The following MED24 variants were observed in gnomAD, a reference collection of about 807,000 sequenced individuals.
The protein encoded by MED24 is mediator of RNA polymerase II transcription subunit 24.
In MED24, 74 loss-of-function variants were observed where a neutral mutation model predicts 118.8. The ratio of observed to expected loss-of-function variants is 0.62; its 90% CI spans 0.52 to 0.76. The LOEUF is 0.76. MED24 is among the 30% of genes least tolerant of loss of function. MED24 has a pLI of 0.00. For synonymous variants in MED24, 521 were observed against 523.9 expected, an observed-to-expected ratio of 0.99 and a Z score of 0.08; for missense variants, 1,041 against 1,278.9, an observed-to-expected ratio of 0.81 and a Z score of 2.84.
chr17:40,034,811 C>G, intron 6 of MED24: 1 of 826,264 alleles, frequency 1.2e-6, no homozygotes, highest in African/African-American at 1.7e-5. Context: ...AGCAGCTATG[C>G]TTGATGAGGG....
chr17:40,029,644 A>G, intron 13 of MED24, 104 bp downstream of exon 13: 1 of 1,073,352 alleles, frequency 9.3e-7, no homozygotes, highest in Non-Finnish European at 1.4e-6. Flanking sequence ...TATAAAAGCT[A>G]AAGGAGACAG....
At chr17:40,028,756 T>G (rs1347144702) in intron 14 of MED24, 70 bp downstream of exon 14, 1 of 1,584,040 alleles carries the variant, frequency 6.3e-7, no homozygotes, top group East Asian at 2.2e-5. Context: ...ACCTGACTCC[T>G]ACCCTGCTAC....
At chr17:40,022,373 G>T in intron 22 of MED24, 21 bp downstream of exon 22, 1 of 1,594,016 alleles carries the variant, frequency 6.3e-7, no homozygotes, top group Non-Finnish European at 8.6e-7. Context: ...TGAAGCCGGC[G>T]AGGGCAGCTG....
chr17:40,036,525 C>T (rs1348272378), intron 3 of MED24, among the ~76,000 whole-genome samples: 2 of 151,890 alleles, frequency 1.3e-5, no homozygotes, highest in Non-Finnish European at 2.9e-5. Flanking sequence ...CCCGTCTCTA[C>T]TAAAAATTAA....
rs1598328430 is a variant in MED24 at position 40,020,586 on chromosome 17, G to A, written c.2624-233C>T. 41 of 852,220 alleles carry A rather than the reference G, an allele frequency of 4.8e-5. No individual in the cohort carries two copies. In the South Asian group the frequency reaches 5.5e-4, roughly 11 times the overall value. The allele number at this position is 852,220 out of a possible 1,614,324, so 52.8% of individuals were successfully genotyped here. A position where few individuals can be genotyped will look rare whatever the true frequency, so the allele number is the denominator to read the frequency against. ...GAGGATCGCTTGAGTCCAGGAGTTT[G>A]AGACCAGCCTTGGCAACTAGCGAGA... On this transcript the variant is annotated intron_variant, in intron 23 of 25. Transcript: ENST00000394128.
At position 40,022,658 on chromosome 17, in the gene MED24, T is replaced by C; in HGVS notation, c.2419A>G (p.Thr807Ala). 1.9e-6 allele frequency: 3 copies of C among 1,613,402 alleles called. No homozygotes were observed. The highest frequency in any genetic ancestry group is 2.5e-6 in the Non-Finnish European group (3 of 1,179,954). ...KWHSLMDPPG[T>A]ALAKLAVWCA... The stretch of plus-strand genomic sequence containing the variant: ...AGAGAATCTTACTTGGCAAGAGCAG[T>C]GCCCGGGGGGTCCATGAGGCTGTGC... Residue 807 changes from threonine to alanine, a missense_variant, in exon 21 of 26, where the codon ACT becomes GCT. Thr to Ala is a moderately conservative substitution (Grantham distance 58, BLOSUM62 0). Around this residue, in one of 3 missense-constraint regions of MED24, gnomAD observed 587 missense variants for 694.4 expected, o/e 0.85. Transcript: ENST00000394128.
chr17:40,032,968 C>T (rs1983553551), intron 8 of MED24, 88 bp downstream of exon 8: 1 of 1,555,520 alleles, frequency 6.4e-7, no homozygotes, highest in South Asian at 1.2e-5. Context: ...AACCCCACTT[C>T]TCCCAGGGAG....
rs59767650 is a variant in MED24, at chr17:40,019,175, AACACAC to A, written c.*348_*353del. 2.4e-3 allele frequency: 352 copies of A among 148,572 alleles called. 4 individuals carry two copies. The East Asian group carries it at 0.047, about 20-fold the overall frequency. The allele number at this position is 148,572 out of a possible 1,614,324, so 9.2% of individuals were successfully genotyped here. A position where few individuals can be genotyped will look rare whatever the true frequency, so the allele number is the denominator to read the frequency against. On this transcript the variant is annotated 3_prime_UTR_variant, in exon 26 of 26. Coordinates refer to ENST00000394128, the MANE Select transcript of MED24 (RefSeq NM_014815.4). ...CCTCACATATTACAAAATACACACA[AACACAC>A]ACACACACACACACACACACACATA...
intron 24 of MED24, 62 bp from the exon 25 acceptor site, chr17:40,019,995 C>G: frequency 6.5e-7 from 1 of 1,527,942 alleles, no homozygotes. Flanking sequence ...AGGTCACACT[C>G]TGGGAGAAGG....
Position 40,033,699 on chromosome 17 carries a change from C to A in MED24, c.560-243G>T, listed in dbSNP as rs1983640589. 1.6e-6 allele frequency: 1 copy of A among 641,640 alleles called. No homozygotes were observed. Among genetic ancestry groups the A allele is most frequent in the African/African-American group, 1.8e-5 (1 of 55,778 alleles). 39.7% of individuals were successfully genotyped at this position (641,640 alleles called of 1,614,324 possible). On this transcript the variant is annotated intron_variant, in intron 6 of 25. Coordinates refer to ENST00000394128, the MANE Select transcript of MED24 (RefSeq NM_014815.4). The surrounding 1 kb of genome is among the most constrained non-coding windows in gnomAD (Gnocchi z 5.2). Reference sequence around the variant, plus strand: ...AAAGCCTGATTTCCAGGGGACACAGCCAGCTGACTTCAGAAGGTATGGCAT... The same window carrying A: ...AAAGCCTGATTTCCAGGGGACACAGACAGCTGACTTCAGAAGGTATGGCAT...
intron 3 of MED24, among the ~76,000 whole-genome samples, chr17:40,046,702 C>T (rs1017719131): frequency 6.6e-6 from 1 of 151,046 alleles, no homozygotes; most frequent in African/African-American, 2.4e-5. Context: ...GCCGAGATCC[C>T]GCCACTGCAC....
At chr17:40,021,317 A>G (rs1418995285) in intron 23 of MED24, 4 of 152,340 alleles carry the variant, frequency 2.6e-5, no homozygotes, top group Non-Finnish European at 5.9e-5. Flanking sequence ...TAGCTGGCAA[A>G]CCTAGCATCT....
At chr17:40,031,069 G>A (rs1286762968) in intron 12 of MED24, 90 bp downstream of exon 12, 1 of 1,304,972 alleles carries the variant, frequency 7.7e-7, no homozygotes. Flanking sequence ...CCAAACTTTC[G>A]ACAGGAGGTT....
chr17:40,032,182 G>A (rs1488636476), intron 9 of MED24, 92 bp from the exon 10 acceptor site: 4 of 1,426,170 alleles, frequency 2.8e-6, no homozygotes, highest in Non-Finnish European at 2.9e-6. Context: ...CCTGCTCCAG[G>A]AAGAGAGACA....
At chr17:40,020,180 G>A (rs1229730737) in intron 24 of MED24, 93 bp downstream of exon 24, 1 of 1,272,758 alleles carries the variant, frequency 7.9e-7, no homozygotes, top group South Asian at 1.5e-5. Flanking sequence ...GCACCGCAAG[G>A]CCCCTTCCAG....
intron 3 of MED24, among the ~76,000 whole-genome samples, chr17:40,052,883 T>G (rs1985998066): frequency 6.6e-6 from 1 of 152,308 alleles, no homozygotes; most frequent in Non-Finnish European, 1.5e-5. Context: ...ATCTTACTCT[T>G]TCATCTAGAA....
At chr17:40,041,487 C>G (rs1211068214) in intron 3 of MED24, among the ~76,000 whole-genome samples, 1 of 152,196 alleles carries the variant, frequency 6.6e-6, no homozygotes, top group Non-Finnish European at 1.5e-5. Flanking sequence ...CTGGTGACTT[C>G]TAAACCAAAA....
intron 3 of MED24, among the ~76,000 whole-genome samples, chr17:40,041,883 C>T (rs1008446572): frequency 2.0e-5 from 3 of 152,204 alleles, no homozygotes; most frequent in Non-Finnish European, 4.4e-5. Flanking sequence ...TGGAAAACTA[C>T]AGTCTGCAAG....
At chr17:40,031,904 T>G in intron 10 of MED24, 139 bp downstream of exon 10, 1 of 1,021,470 alleles carries the variant, frequency 9.8e-7, no homozygotes, top group Non-Finnish European at 1.5e-6. Context: ...ATGCACATTG[T>G]GAAGCACGTG....
Sources: gnomAD v4.1 joint callset for allele counts (sites outside exome capture counted in the v4.1 genomes callset) on GRCh38, gnomAD v4.1.1 for gene constraint, gnomAD v4.1.1 regional missense constraint, Gnocchi (gnomAD v3.1) non-coding constraint, MANE v1.5 for transcripts, NCBI Gene and HGNC (gene_info 2026-07-23, HGNC 2026-07-21) for gene names.